Variants in SPSB1 observed in about 807,000 individuals in gnomAD.
SPSB1 encodes splA/ryanodine receptor domain and SOCS box containing 1, also known as SPRY domain-containing SOCS box protein 1.
SPSB1 carries 8 observed loss-of-function variants against 21.2 expected under a neutral mutation model. The ratio of observed to expected loss-of-function variants is 0.38; its 90% CI spans 0.22 to 0.68. SPSB1 has a LOEUF of 0.68. SPSB1 is among the 30% of genes least tolerant of loss of function. The pLI, the probability that SPSB1 is intolerant of heterozygous loss-of-function variation, is 0.53. For missense variants in SPSB1, 242 were observed against 377.8 expected (o/e 0.64, Z 2.98); for synonymous variants, 169 against 161.7 (o/e 1.05, Z -0.34).
chr1:9,349,295 A>G (rs911974752), intron 1 of SPSB1, among the ~76,000 whole-genome samples: 1 of 152,158 alleles, frequency 6.6e-6, no homozygotes, highest in African/African-American at 2.4e-5. Flanking sequence ...CCTCCCGTGC[A>G]TGAGACAGAC....
At chr1:9,350,301 G>A (rs1425610362) in intron 1 of SPSB1, among the ~76,000 whole-genome samples, 1 of 152,260 alleles carries the variant, frequency 6.6e-6, no homozygotes, top group Non-Finnish European at 1.5e-5. Flanking sequence ...ATTATTTAGA[G>A]TGAGTAGAGT....
At chr1:9,304,671 A>C (rs1413024739) in intron 1 of SPSB1, among the ~76,000 whole-genome samples, 2 of 152,004 alleles carry the variant, frequency 1.3e-5, no homozygotes, top group Non-Finnish European at 2.9e-5. Flanking sequence ...GTGAATAATG[A>C]CCTACAGGCT....
At chr1:9,352,748 C>T (rs566331127) in intron 1 of SPSB1, among the ~76,000 whole-genome samples, 3 of 151,778 alleles carry the variant, frequency 2.0e-5, no homozygotes, top group South Asian at 2.1e-4. Context: ...CCTCTTCCCC[C>T]CTCAACCTCC....
intron 1 of SPSB1, among the ~76,000 whole-genome samples, chr1:9,307,226 C>T (rs1357615624): frequency 6.6e-6 from 1 of 152,170 alleles, no homozygotes; most frequent in African/African-American, 2.4e-5. Flanking sequence ...CTGTGCCTGG[C>T]CGTCTTTTCT....
intron 1 of SPSB1, among the ~76,000 whole-genome samples, chr1:9,354,071 G>A (rs1255295936): frequency 2.0e-5 from 3 of 152,222 alleles, no homozygotes; most frequent in Non-Finnish European, 1.5e-5. Context: ...GCCGCCCCGG[G>A]AACAGGGTCT....
At chr1:9,326,137 T>C (rs567425934) in intron 1 of SPSB1, among the ~76,000 whole-genome samples, 1 of 152,062 alleles carries the variant, frequency 6.6e-6, no homozygotes, top group Admixed American at 6.5e-5. Context: ...GGTGGAATGT[T>C]CTTGGTGGGG....
rs1415870576 is a variant in SPSB1 at position 9,345,720 on chromosome 1, G to A, written c.-149-10023G>A. ...GGCCCTTCCATAGGTGTTTACAGCA[G>A]GTGCATTTTGGGTCTTTTGAGGTCA... On this transcript the variant is annotated intron_variant, in intron 1 of 2. Transcript: ENST00000328089. This position sits in a 1 kb window ranked among gnomAD's most constrained non-coding sequence, Gnocchi z 4.8. Among the ~76,000 whole-genome samples, 1 of 152,220 alleles carries A rather than the reference G, an allele frequency of 6.6e-6. No homozygotes were observed. The highest frequency in any genetic ancestry group is 1.5e-5 in the Non-Finnish European group (1 of 68,032).
At chr1:9,302,057 G>A (rs934873335) in intron 1 of SPSB1, among the ~76,000 whole-genome samples, 39 of 152,248 alleles carry the variant, frequency 2.6e-4, no homozygotes, top group African/African-American at 9.2e-4. Context: ...CCAAGGAAGT[G>A]TGGCACTGGG....
chr1:9,300,769 A>G (rs995057253), intron 1 of SPSB1, among the ~76,000 whole-genome samples: 1 of 152,192 alleles, frequency 6.6e-6, no homozygotes, highest in African/African-American at 2.4e-5. Flanking sequence ...TCCTGAAGGC[A>G]CAAGTAAGTG....
In SPSB1 at chr1:9,367,080, C is replaced by T. The variant is rs1640588067; in HGVS notation, c.695-368C>T. On this transcript the variant is annotated intron_variant, in intron 2 of 2. Coordinates refer to ENST00000328089, the MANE Select transcript of SPSB1 (RefSeq NM_025106.4). The surrounding 1 kb of genome is among the most constrained non-coding windows in gnomAD (Gnocchi z 5.9). ...GAGCAGGGATCGCCTGGGTTCGAAT[C>T]CTAGCTGCATCTCCTGCCAGCAGGG... 6.6e-6 allele frequency among the ~76,000 whole-genome samples: 1 copy of T among 152,204 alleles called. No individual in the cohort carries two copies. The highest frequency in any genetic ancestry group is 1.5e-5 in the Non-Finnish European group (1 of 68,038).
At chr1:9,339,639 G>A (rs1398274335) in intron 1 of SPSB1, among the ~76,000 whole-genome samples, 1 of 152,238 alleles carries the variant, frequency 6.6e-6, no homozygotes, top group Non-Finnish European at 1.5e-5. Context: ...GAGAAGCTGA[G>A]AGGGCCTGTC....
At chr1:9,327,659 A>G (rs1639838445) in intron 1 of SPSB1, among the ~76,000 whole-genome samples, 2 of 152,106 alleles carry the variant, frequency 1.3e-5, no homozygotes, top group African/African-American at 4.8e-5. Context: ...TGGGGGAGAA[A>G]TTTGACCCCT....
chr1:9,300,059 A>T (rs1244430281), intron 1 of SPSB1, among the ~76,000 whole-genome samples: 4 of 151,868 alleles, frequency 2.6e-5, no homozygotes, highest in Non-Finnish European at 5.9e-5. Flanking sequence ...CAACCACTGT[A>T]GCCTTATTGG....
chr1:9,356,554 G>A lies in SPSB1; in HGVS notation c.663G>A (p.Glu221=), dbSNP rs754541677. The A allele has an allele frequency of 3.1e-6, 5 of 1,602,034 alleles. No homozygotes were observed. The highest frequency in any genetic ancestry group is 1.1e-5 in the South Asian group (1 of 90,552). The change falls in exon 2 of 3, where the codon GAG becomes GAA. Residue 221 remains glutamate, a synonymous_variant. Transcript: ENST00000328089. This position sits in a 1 kb window ranked among gnomAD's most constrained non-coding sequence, Gnocchi z 7.4. ...TGAGTGCCGTCTGGGGCCACTGTGA[G>A]ATCCGAATGCGCTACTTGAACGGAC... is the stretch of plus-strand genomic sequence containing the variant. The part of the protein sequence containing the change: ...PVVSAVWGHC[E]IRMRYLNGLD...
At chr1:9,315,390 G>C (rs1639597097) in intron 1 of SPSB1, among the ~76,000 whole-genome samples, 1 of 152,248 alleles carries the variant, frequency 6.6e-6, no homozygotes, top group Admixed American at 6.5e-5. Flanking sequence ...TGGGTACCAG[G>C]CACAAAGCTT....
At chr1:9,325,002 T>C (rs546855699) in intron 1 of SPSB1, among the ~76,000 whole-genome samples, 148 of 152,244 alleles carry the variant, frequency 9.7e-4, no homozygotes, top group Middle Eastern at 3.4e-3. Context: ...GGCAGCCCCA[T>C]TGGGAGCCAC....
intron 2 of SPSB1, among the ~76,000 whole-genome samples, chr1:9,360,399 G>A (rs1640449382): frequency 2.0e-5 from 3 of 152,214 alleles, no homozygotes; most frequent in Non-Finnish European, 2.9e-5. Flanking sequence ...GGAGGAGCCT[G>A]ATGGAGTGGC....
intron 1 of SPSB1, among the ~76,000 whole-genome samples, chr1:9,316,248 C>T (rs1639610963): frequency 6.6e-6 from 1 of 152,168 alleles, no homozygotes; most frequent in Non-Finnish European, 1.5e-5. Flanking sequence ...GGAGACCTGG[C>T]CTGGGAAGGA....
chr1:9,336,524 C>T (rs72643823), intron 1 of SPSB1, among the ~76,000 whole-genome samples: 3,731 of 152,244 alleles, frequency 0.025, 59 homozygotes, highest in Non-Finnish European at 0.036. Flanking sequence ...CCACGTCCGG[C>T]TCCTCCTCCT....
Sources: allele counts gnomAD v4.1 joint callset (sites outside exome capture counted in the v4.1 genomes callset), GRCh38; gene constraint gnomAD v4.1.1; non-coding constraint Gnocchi (gnomAD v3.1); transcripts MANE v1.5; gene names NCBI Gene and HGNC (gene_info 2026-07-23, HGNC 2026-07-21).